The following VAC14 variants were observed in gnomAD, a reference collection of about 807,000 sequenced individuals.
VAC14 encodes VAC14 component of PIKFYVE complex.
A neutral mutation model predicts 85.3 loss-of-function variants in VAC14; 47 were observed. The observed-to-expected ratio is 0.55, with a 90% CI of 0.44 to 0.70. VAC14 has a LOEUF of 0.70. Ranked by LOEUF, VAC14 falls within the 30% of genes least tolerant of loss-of-function variation. The probability of loss-of-function intolerance (pLI) is 0.00; values close to 1 mark genes in which losing one functional copy is unlikely to be tolerated. For synonymous variants in VAC14, 447 were observed against 430.5 expected (o/e 1.04, Z -0.47); for missense variants, 861 against 1,004.3 (o/e 0.86, Z 1.93).
Position 70,780,939 on chromosome 16 carries a change from C to T in VAC14, c.947G>A (p.Ser316Asn), listed in dbSNP as rs1429808147. The T allele has an allele frequency of 8.7e-6, 14 of 1,613,966 alleles. No individual in the cohort carries two copies. Among genetic ancestry groups the T allele is most frequent in the African/African-American group, 2.7e-5 (2 of 74,906 alleles). The change falls in exon 9 of 19, where the codon AGC (serine) becomes AAC (asparagine). Residue 316 changes from serine (S) to asparagine (N), a missense_variant and splice_region_variant. Physicochemically the swap from Ser to Asn is conservative, Grantham distance 46. Coordinates refer to ENST00000261776, the MANE Select transcript of VAC14 (RefSeq NM_018052.5). ...GCACACGTTGGCCACTTCTTTGATGCCTGAGTCCACTGATGTAAGGAGCGT... is the reference window on the plus strand; with the variant it reads ...GCACACGTTGGCCACTTCTTTGATGTCTGAGTCCACTGATGTAAGGAGCGT... ...PCLAYDDRKK[S>N]IKEVANVCNQ...
chr16:70,766,610 G>A (rs747874267), intron 10 of VAC14: 26 of 446,760 alleles, frequency 5.8e-5, no homozygotes, highest in Non-Finnish European at 9.9e-5. Context: ...GAGGCAGTAC[G>A]GGACCCATCT....
At chr16:70,722,522 C>T (rs1409610826) in intron 14 of VAC14, among the ~76,000 whole-genome samples, 1 of 152,140 alleles carries the variant, frequency 6.6e-6, no homozygotes. Context: ...AAATCGCAGG[C>T]GGAGAGAGAA....
intron 14 of VAC14, among the ~76,000 whole-genome samples, chr16:70,707,044 C>A (rs1255357025): frequency 2.6e-5 from 4 of 152,184 alleles, no homozygotes; most frequent in Admixed American, 1.3e-4. Context: ...AAAGAGAAAG[C>A]AGCTTTTGGG....
chr16:70,735,231 T>C (rs1008708385), intron 13 of VAC14, among the ~76,000 whole-genome samples: 2 of 152,024 alleles, frequency 1.3e-5, no homozygotes, highest in South Asian at 4.1e-4. Context: ...GGCTGGCCCC[T>C]TTCTGGTCCA....
At chr16:70,739,748 G>T (rs888909763) in intron 13 of VAC14, among the ~76,000 whole-genome samples, 2 of 152,198 alleles carry the variant, frequency 1.3e-5, no homozygotes, top group African/African-American at 2.4e-5. Flanking sequence ...TTGTTGCCGT[G>T]ATTACTGGGG....
intron 14 of VAC14, among the ~76,000 whole-genome samples, chr16:70,702,651 G>C (rs1180203613): frequency 3.9e-5 from 6 of 152,256 alleles, no homozygotes; most frequent in African/African-American, 1.4e-4. Flanking sequence ...GCGTTGCAAA[G>C]CCTCAAGAAG....
intron 12 of VAC14, among the ~76,000 whole-genome samples, chr16:70,750,864 G>A (rs1320139641): frequency 6.6e-6 from 1 of 152,112 alleles, no homozygotes; most frequent in African/African-American, 2.4e-5. Context: ...TCCCCAGGGT[G>A]CCGCGGCAGC....
At chr16:70,758,602 G>A (rs960480208) in intron 12 of VAC14, among the ~76,000 whole-genome samples, 2 of 152,196 alleles carry the variant, frequency 1.3e-5, no homozygotes, top group Non-Finnish European at 2.9e-5. Flanking sequence ...CTCACAGGTG[G>A]GGGTATGGCC....
rs567902049 is a variant in VAC14, at chr16:70,741,966, G to A, written c.1528+2457C>T. 1.5e-4 allele frequency among the ~76,000 whole-genome samples: 23 copies of A among 152,292 alleles called. No individual in the cohort carries two copies. In the South Asian group the frequency reaches 4.8e-3, roughly 32 times the overall value. ...CCGGGTCAGGTTCTGCTCCCCCATG[G>A]CACACGTCCTACTCCCTCCGGCCCA... On this transcript the variant is annotated intron_variant, in intron 13 of 18. Coordinates refer to ENST00000261776, the MANE Select transcript of VAC14 (RefSeq NM_018052.5).
rs115779888 is a variant in VAC14 at position 70,721,945 on chromosome 16, G to A, written c.1661+9550C>T. The stretch of plus-strand genomic sequence containing the variant: ...ACAGCACAGGAGCACAGGACCCCAG[G>A]CCCGGTGGAGGGCACCTCAGCTCTG... On this transcript the variant is annotated intron_variant, in intron 14 of 18. Transcript: ENST00000261776. Among the ~76,000 whole-genome samples, 1,414 of 152,276 alleles carry A rather than the reference G, an allele frequency of 9.3e-3. 11 individuals are homozygous for A. Among genetic ancestry groups the A allele is most frequent in the African/African-American group, 0.018 (742 of 41,540 alleles).
rs773032389 is a variant in VAC14 at position 70,800,935 on chromosome 16, C to T, written c.-35G>A. The T allele has an allele frequency of 2.0e-6, 3 of 1,508,552 alleles. No homozygotes were observed. The highest frequency in any genetic ancestry group is 2.6e-5 in the East Asian group (1 of 38,958). The allele number at this position is 1,508,552 out of a possible 1,614,324, so 93.4% of individuals were successfully genotyped here. A position where few individuals can be genotyped will look rare whatever the true frequency, so the allele number is the denominator to read the frequency against. ...TGGGGGAACCTCGCGACTCCTTAGC[C>T]CGCGGCTGCCGGGGCCGCGCCGGGG... On this transcript the variant is annotated 5_prime_UTR_variant, in exon 1 of 19. Transcript: ENST00000261776.
chr16:70,783,568 G>A lies in VAC14; in HGVS notation c.595-14C>T. On this transcript the variant is annotated splice_polypyrimidine_tract_variant and intron_variant, in intron 5 of 18. Transcript: ENST00000261776. ...CAGAACCAGGATCTGACCAGGGGAA[G>A]GGAACAGGAGGGGAAGTCAGCTCCA... 1 of 1,611,870 alleles carries A rather than the reference G, an allele frequency of 6.2e-7. No homozygotes were observed. The highest frequency in any genetic ancestry group is 2.2e-5 in the East Asian group (1 of 44,882).
intron 14 of VAC14, among the ~76,000 whole-genome samples, chr16:70,722,858 C>T (rs1214281857): frequency 6.6e-6 from 1 of 151,996 alleles, no homozygotes; most frequent in Non-Finnish European, 1.5e-5. Flanking sequence ...GACAGGAGGA[C>T]GGTTTGAGCC....
intron 14 of VAC14, among the ~76,000 whole-genome samples, chr16:70,717,159 C>T (rs1172666228): frequency 6.6e-6 from 1 of 152,250 alleles, no homozygotes; most frequent in Admixed American, 6.5e-5. Flanking sequence ...GGTGGGCACC[C>T]GACCCTTTTC....
At chr16:70,690,011 C>T (rs1313199972) in intron 18 of VAC14, 14 of 985,312 alleles carry the variant, frequency 1.4e-5, no homozygotes, top group African/African-American at 5.2e-5. Context: ...CAGGTCTGTG[C>T]GTTGCTCCCC....
At chr16:70,794,828 C>A (rs2034476953) in intron 1 of VAC14, among the ~76,000 whole-genome samples, 1 of 152,218 alleles carries the variant, frequency 6.6e-6, no homozygotes, top group African/African-American at 2.4e-5. Flanking sequence ...TTCTGACCTG[C>A]ACTCCAAAAA....
intron 5 of VAC14, 68 bp downstream of exon 5, chr16:70,784,045 C>A: frequency 7.6e-7 from 1 of 1,322,350 alleles, no homozygotes; most frequent in South Asian, 1.2e-5. Flanking sequence ...AAGGGCCTGA[C>A]AAGAGTGTGC....
chr16:70,727,505 A>G (rs537213386), intron 14 of VAC14, among the ~76,000 whole-genome samples: 2 of 152,130 alleles, frequency 1.3e-5, no homozygotes, highest in African/African-American at 4.8e-5. Flanking sequence ...ATGCCTGGCT[A>G]ATTTTTATAT....
intron 18 of VAC14, 105 bp from the exon 19 acceptor site, chr16:70,688,195 G>A (rs1036088733): frequency 3.3e-5 from 45 of 1,351,762 alleles, no homozygotes; most frequent in Middle Eastern, 2.2e-4. Flanking sequence ...TGGTGGGCTC[G>A]GCCTGTGGGC....
Sources: gnomAD v4.1 joint callset for allele counts (sites outside exome capture counted in the v4.1 genomes callset) on GRCh38, gnomAD v4.1.1 for gene constraint, MANE v1.5 for transcripts, NCBI Gene and HGNC (gene_info 2026-07-23, HGNC 2026-07-21) for gene names.